Variants in ACTR3 observed in about 807,000 individuals in gnomAD.
The protein encoded by ACTR3 is actin-related protein 3.
In ACTR3, 12 loss-of-function variants were observed where a neutral mutation model predicts 56.8. That is an observed-to-expected ratio of 0.21 (90% CI 0.14 to 0.34). The LOEUF (loss-of-function observed/expected upper bound fraction) is 0.34. Among genes scored for constraint, ACTR3 ranks in the 10% least tolerant of loss-of-function variants. The probability of loss-of-function intolerance (pLI) is 1.00; values close to 1 mark genes in which losing one functional copy is unlikely to be tolerated. For synonymous variants in ACTR3, 162 were observed against 167.4 expected (o/e 0.97, Z 0.25); for missense variants, 282 against 512.5 (o/e 0.55, Z 4.34).
chr2:113,939,520 G>A (rs1401276378), intron 6 of ACTR3, among the ~76,000 whole-genome samples: 1 of 152,048 alleles, frequency 6.6e-6, no homozygotes, highest in East Asian at 1.9e-4. Flanking sequence ...TAGTTATTTG[G>A]CATTATGATG....
chr2:113,958,536 T>A lies in ACTR3; in HGVS notation c.*1081T>A, dbSNP rs1264497362. On this transcript the variant is annotated 3_prime_UTR_variant, in exon 12 of 12. Coordinates refer to ENST00000263238, the MANE Select transcript of ACTR3 (RefSeq NM_005721.5). ...TTGAAAGTTAATTTTCTTTGCATTTTAAAATATCTGGATTATGAAGAAAAA... is the reference window on the plus strand; with the variant it reads ...TTGAAAGTTAATTTTCTTTGCATTTAAAAATATCTGGATTATGAAGAAAAA... The A allele has an allele frequency of 6.6e-6, 1 of 152,462 alleles. No homozygotes were observed. The highest frequency in any genetic ancestry group is 1.5e-5 in the Non-Finnish European group (1 of 67,940). 9.4% of individuals were successfully genotyped at this position (152,462 alleles called of 1,614,324 possible).
chr2:113,899,827 T>G (rs1339732675), intron 1 of ACTR3, among the ~76,000 whole-genome samples: 3 of 152,226 alleles, frequency 2.0e-5, no homozygotes, highest in Non-Finnish European at 4.4e-5. Context: ...TGAAGGAGTT[T>G]CAAAGTATTT....
At chr2:113,930,190 G>A (rs1679694585) in intron 4 of ACTR3, among the ~76,000 whole-genome samples, 1 of 151,620 alleles carries the variant, frequency 6.6e-6, no homozygotes, top group South Asian at 2.1e-4. Flanking sequence ...CACTGCCTTG[G>A]TTTTTAGTTT....
chr2:113,938,930 G>T (rs574075729), intron 6 of ACTR3, among the ~76,000 whole-genome samples: 1 of 152,118 alleles, frequency 6.6e-6, no homozygotes, highest in Non-Finnish European at 1.5e-5. Flanking sequence ...TAGGCAGTAG[G>T]ATAGAGTGTA....
chr2:113,937,479 C>G (rs534215302), intron 6 of ACTR3, among the ~76,000 whole-genome samples: 106 of 152,302 alleles, frequency 7.0e-4, no homozygotes, highest in African/African-American at 2.4e-3. Flanking sequence ...AGATTTCCAC[C>G]TAGTATCATT....
At chr2:113,937,244 C>T (rs1679845508) in intron 6 of ACTR3, among the ~76,000 whole-genome samples, 1 of 152,094 alleles carries the variant, frequency 6.6e-6, no homozygotes, top group Non-Finnish European at 1.5e-5. Flanking sequence ...GCTGGGATTA[C>T]AGATGTGCAC....
At chr2:113,934,098 A>G (rs1679776218) in intron 5 of ACTR3, 181 bp from the exon 6 acceptor site, 2 of 550,066 alleles carry the variant, frequency 3.6e-6, no homozygotes, top group African/African-American at 3.9e-5. Flanking sequence ...AATAAAATGT[A>G]GGGAGTGAGC....
chr2:113,924,531 T>C (rs1679580711), intron 3 of ACTR3, among the ~76,000 whole-genome samples: 1 of 152,218 alleles, frequency 6.6e-6, no homozygotes, highest in Admixed American at 6.5e-5. Flanking sequence ...GCTGTTCTTA[T>C]TCCCCTGCTT....
At chr2:113,947,316 T>C (rs1184381597) in intron 8 of ACTR3, among the ~76,000 whole-genome samples, 1 of 152,226 alleles carries the variant, frequency 6.6e-6, no homozygotes, top group Admixed American at 6.5e-5. Flanking sequence ...GAATGGAATA[T>C]GCTTGACAAA....
chr2:113,890,365 G>A, intron 1 of ACTR3, 42 bp downstream of exon 1: 1 of 1,427,560 alleles, frequency 7.0e-7, no homozygotes, highest in Non-Finnish European at 9.4e-7. Context: ...CTGAGGCGGA[G>A]GAAGGAAGAT....
chr2:113,908,713 T>G (rs2104589507), intron 1 of ACTR3, among the ~76,000 whole-genome samples: 1 of 152,234 alleles, frequency 6.6e-6, no homozygotes, highest in Admixed American at 6.5e-5. Context: ...AAATCTTAAT[T>G]TTTAAAGTTT....
chr2:113,910,637 T>C (rs1434948533), intron 1 of ACTR3, among the ~76,000 whole-genome samples: 3 of 152,182 alleles, frequency 2.0e-5, no homozygotes, highest in Non-Finnish European at 4.4e-5. Context: ...AACACCCAGC[T>C]AGTGTCCACT....
chr2:113,891,338 A>G (rs1001420148), intron 1 of ACTR3, among the ~76,000 whole-genome samples: 9 of 152,096 alleles, frequency 5.9e-5, no homozygotes, highest in South Asian at 2.1e-4. Flanking sequence ...TTAAGTTGCA[A>G]ATAGTTACTC....
intron 1 of ACTR3, chr2:113,904,617 C>T (rs1248580355): frequency 6.6e-6 from 1 of 152,160 alleles, no homozygotes; most frequent in Non-Finnish European, 1.5e-5. Context: ...TAGATTCTAA[C>T]TAGAGGTAGA....
chr2:113,893,481 A>T (rs1360726732), intron 1 of ACTR3, among the ~76,000 whole-genome samples: 1 of 152,110 alleles, frequency 6.6e-6, no homozygotes, highest in East Asian at 1.9e-4. Flanking sequence ...TTTAGTAGAG[A>T]TGGGGTTTCA....
At chr2:113,916,579 C>T (rs1412641403) in intron 2 of ACTR3, among the ~76,000 whole-genome samples, 2 of 151,994 alleles carry the variant, frequency 1.3e-5, no homozygotes, top group Admixed American at 1.3e-4. Flanking sequence ...GGTGGGATTA[C>T]AGTTTTACTG....
chr2:113,923,393 AGTGGC>A (rs1679549164), intron 3 of ACTR3, among the ~76,000 whole-genome samples: 1 of 152,040 alleles, frequency 6.6e-6, no homozygotes, highest in African/African-American at 2.4e-5. Context: ...GCTAGAGTGC[AGTGGC>A]GCGATCTCAG....
intron 10 of ACTR3, chr2:113,952,081 T>G (rs1374788002): frequency 4.4e-6 from 2 of 450,128 alleles, no homozygotes; most frequent in African/African-American, 3.9e-5. Flanking sequence ...GAAAGACTTT[T>G]TTTTTAAATA....
At chr2:113,899,250 G>A (rs914466316) in intron 1 of ACTR3, among the ~76,000 whole-genome samples, 12 of 152,100 alleles carry the variant, frequency 7.9e-5, no homozygotes, top group Non-Finnish European at 1.8e-4. Flanking sequence ...TCTTCAAAAG[G>A]AAGGCATACA....
Sources: gnomAD v4.1 joint callset for allele counts (sites outside exome capture counted in the v4.1 genomes callset) on GRCh38, gnomAD v4.1.1 for gene constraint, MANE v1.5 for transcripts, NCBI Gene and HGNC (gene_info 2026-07-23, HGNC 2026-07-21) for gene names.